Variants in RYR2 observed in about 807,000 individuals in gnomAD.
RYR2 encodes the protein cardiac muscle ryanodine receptor-calcium release channel.
RYR2 carries 227 observed loss-of-function variants against 601.1 expected under a neutral mutation model. That is an observed-to-expected ratio of 0.38 (90% CI 0.34 to 0.42). The LOEUF is 0.42. Ranked by LOEUF, RYR2 falls within the 10% of genes least tolerant of loss-of-function variation. The probability of loss-of-function intolerance (pLI) is 1.00; values close to 1 mark genes in which losing one functional copy is unlikely to be tolerated. For missense variants in RYR2, 4,646 were observed against 6,156.5 expected, an observed-to-expected ratio of 0.75 and a Z score of 8.21; for synonymous variants, 2,223 against 2,175.1, an observed-to-expected ratio of 1.02 and a Z score of -0.61.
intron 1 of RYR2, among the ~76,000 whole-genome samples, chr1:237,186,924 C>G (rs1350975666): frequency 6.6e-6 from 1 of 152,178 alleles, no homozygotes; most frequent in Non-Finnish European, 1.5e-5. Context: ...CTTGCTCTGC[C>G]GGCCTTGAGC....
chr1:237,262,455 C>G (rs1373180477), intron 1 of RYR2, among the ~76,000 whole-genome samples: 5 of 151,776 alleles, frequency 3.3e-5, no homozygotes, highest in Admixed American at 3.3e-4. Context: ...TGGGGTTTCA[C>G]CATGTTGGCC....
intron 68 of RYR2, 53 bp downstream of exon 68, chr1:237,707,322 G>T (rs1688466611): frequency 3.1e-6 from 3 of 963,762 alleles, no homozygotes; most frequent in South Asian, 3.4e-5. Flanking sequence ...ATTTCCAAAA[G>T]AATTTTAAAT....
At position 237,593,561 on chromosome 1, in the gene RYR2, A is replaced by G. The variant is rs752212017; in HGVS notation, c.4361A>G (p.Asp1454Gly). Reference sequence around the variant, plus strand: ...ATTACATCAGATTTCCATCAGTATGACACAGGCTTTGACTTGGACAGAGTT... The same window carrying G: ...ATTACATCAGATTTCCATCAGTATGGCACAGGCTTTGACTTGGACAGAGTT... ...GWITSDFHQYDTGFDLDRVRT... is the reference protein window; with the variant it reads ...GWITSDFHQYGTGFDLDRVRT... Residue 1454 changes from aspartate (D) to glycine (G), a missense_variant, in exon 33 of 105, where the codon GAC becomes GGC. By Grantham distance (94) the Asp-to-Gly change is moderately conservative. This residue lies in a region of RYR2 where 1,807 missense variants were observed against 2,088.1 expected (regional missense o/e 0.87). Transcript: ENST00000366574. 1.2e-6 allele frequency: 2 copies of G among 1,613,992 alleles called. No individual in the cohort carries two copies. Among genetic ancestry groups the G allele is most frequent in the Middle Eastern group, 1.6e-4 (1 of 6,062 alleles).
In RYR2 at chr1:237,819,293, G is replaced by C; in HGVS notation, c.14590+101G>C. On this transcript the variant is annotated intron_variant, in intron 101 of 104. Coordinates refer to ENST00000366574, the MANE Select transcript of RYR2 (RefSeq NM_001035.3). The surrounding 1 kb of genome is among the most constrained non-coding windows in gnomAD (Gnocchi z 4.0). ...AGGGTAATGACGTCAAGTGTTTCCTGGCAAAGCCAAATCAAACTTTTCCTT... is the reference window on the plus strand; with the variant it reads ...AGGGTAATGACGTCAAGTGTTTCCTCGCAAAGCCAAATCAAACTTTTCCTT... 8.8e-7 allele frequency: 1 copy of C among 1,139,372 alleles called. No homozygotes were observed. The highest frequency in any genetic ancestry group is 1.3e-6 in the Non-Finnish European group (1 of 790,238). The allele number at this position is 1,139,372 out of a possible 1,614,324, so 70.6% of individuals were successfully genotyped here. A position where few individuals can be genotyped will look rare whatever the true frequency, so the allele number is the denominator to read the frequency against.
chr1:237,706,832 G>A lies in RYR2; in HGVS notation c.9581-117G>A, dbSNP rs533816811. 4.0e-5 allele frequency: 32 copies of A among 790,532 alleles called. No homozygotes were observed. In the African/African-American group the frequency reaches 4.3e-4, roughly 11 times the overall value. 49.0% of individuals were successfully genotyped at this position (790,532 alleles called of 1,614,324 possible). A position where few individuals can be genotyped will look rare whatever the true frequency, so the allele number is the denominator to read the frequency against. Reference sequence around the variant, plus strand: ...ACACAGGAGAAGGAGCCAGTTGCAGGCATGCCACGTCTTGCTAAATTTTGA... The same window carrying A: ...ACACAGGAGAAGGAGCCAGTTGCAGACATGCCACGTCTTGCTAAATTTTGA... On this transcript the variant is annotated intron_variant, in intron 67 of 104. Transcript: ENST00000366574.
At chr1:237,081,943 G>C (rs900103881) in intron 1 of RYR2, among the ~76,000 whole-genome samples, 2 of 152,136 alleles carry the variant, frequency 1.3e-5, no homozygotes, top group Non-Finnish European at 2.9e-5. Flanking sequence ...CCTGTGCAAA[G>C]GGAAAGGCTA....
At chr1:237,619,100 A>C (rs1425082912) in intron 38 of RYR2, among the ~76,000 whole-genome samples, 2 of 152,182 alleles carry the variant, frequency 1.3e-5, no homozygotes, top group Non-Finnish European at 2.9e-5. Context: ...AGAGTTAAAA[A>C]TAAGACCCAG....
At position 237,416,759 on chromosome 1, in the gene RYR2, C is replaced by CAGAG. The variant is rs5781955; in HGVS notation, c.774-289_774-288insGAGA. Among the ~76,000 whole-genome samples, 1,996 of 138,954 alleles carry CAGAG rather than the reference C, an allele frequency of 0.014. 22 individuals are homozygous for CAGAG. Among genetic ancestry groups the CAGAG allele is most frequent in the Middle Eastern group, 0.038 (11 of 290 alleles). The allele number at this position is 138,954 out of a possible 152,430, so 91.2% of individuals were successfully genotyped here. A position where few individuals can be genotyped will look rare whatever the true frequency, so the allele number is the denominator to read the frequency against. ...GGAGGGATGGGAAGAAACACACACA[C>CAGAG]ACACAGAGAGAGAGAGAGAGAGAGA... On this transcript the variant is annotated intron_variant, in intron 10 of 104. Transcript: ENST00000366574.
rs531796059 is a variant in RYR2 at position 237,529,574 on chromosome 1, T to C, written c.2823-853T>C. On this transcript the variant is annotated intron_variant, in intron 24 of 104. Coordinates refer to ENST00000366574, the MANE Select transcript of RYR2 (RefSeq NM_001035.3). Reference sequence around the variant, plus strand: ...AGAGATAAGTATTATGGGTTTTAGATAATTCCCACATTCTTACTAGAACTG... The same window carrying C: ...AGAGATAAGTATTATGGGTTTTAGACAATTCCCACATTCTTACTAGAACTG... Among the ~76,000 whole-genome samples the C allele has an allele frequency of 3.3e-5, 5 of 152,262 alleles. No homozygotes were observed. In the South Asian group the frequency reaches 1.0e-3, roughly 32 times the overall value.
At position 237,614,039 on chromosome 1, in the gene RYR2, A is replaced by G. The variant is rs1251055364; in HGVS notation, c.4911A>G (p.Arg1637=). The G allele has an allele frequency of 7.5e-6, 12 of 1,610,462 alleles. No homozygotes were observed. Among genetic ancestry groups the G allele is most frequent in the Admixed American group, 1.7e-5 (1 of 59,948 alleles). ...FMSLHIPEEN[R]SVDILELTEQ... Reference sequence around the variant, plus strand: ...ACTACCACTCTCCTCCCTTCTACAGATCTGTTGACATCTTAGAGTTGACAG... The same window carrying G: ...ACTACCACTCTCCTCCCTTCTACAGGTCTGTTGACATCTTAGAGTTGACAG... The change falls in exon 37 of 105, where the codon AGA becomes AGG. Residue 1637 remains arginine, a splice_region_variant and synonymous_variant. Coordinates refer to ENST00000366574, the MANE Select transcript of RYR2 (RefSeq NM_001035.3). The surrounding 1 kb of genome is among the most constrained non-coding windows in gnomAD (Gnocchi z 4.3).
At chr1:237,708,282 T>C (rs1453087286) in intron 68 of RYR2, among the ~76,000 whole-genome samples, 1 of 152,210 alleles carries the variant, frequency 6.6e-6, no homozygotes, top group African/African-American at 2.4e-5. Context: ...TATGGTTGAC[T>C]TTAACTTTTC....
At chr1:237,127,833 T>C (rs10925322) in intron 1 of RYR2, among the ~76,000 whole-genome samples, 9,654 of 142,414 alleles carry the variant, frequency 0.068, 796 homozygotes, top group African/African-American at 0.21. Context: ...GGATGGCGGC[T>C]GGGCAGAGGT....
Position 237,270,625 on chromosome 1 carries a change from A to G in RYR2, c.168+9A>G. 1 of 1,567,112 alleles carries G rather than the reference A, an allele frequency of 6.4e-7. No homozygotes were observed. ...CCACTTCCAATTCCAAGGTGGGATG[A>G]AGTCTTTCAAGGCTATTCAAATATG... On this transcript the variant is annotated intron_variant, in intron 2 of 104. Transcript: ENST00000366574.
chr1:237,714,560 A>G (rs151036876), intron 71 of RYR2, among the ~76,000 whole-genome samples: 5 of 152,254 alleles, frequency 3.3e-5, no homozygotes, highest in African/African-American at 1.2e-4. Context: ...CTTTCTTGCC[A>G]TTTTCCTGGT....
At position 237,253,234 on chromosome 1, in the gene RYR2, T is replaced by A. The variant is rs564732672; in HGVS notation, c.49-17263T>A. On this transcript the variant is annotated intron_variant, in intron 1 of 104. Transcript: ENST00000366574. ...TACAGTGGATATTACAAATTATTAT[T>A]ATATTATTATTTCTGTCTAATAGAT... Among the ~76,000 whole-genome samples the A allele has an allele frequency of 4.6e-4, 13 of 28,202 alleles. No individual in the cohort carries two copies. The East Asian group carries it at 0.019, about 42-fold the overall frequency. The allele number at this position is 28,202 out of a possible 152,430, so 18.5% of individuals were successfully genotyped here. A position where few individuals can be genotyped will look rare whatever the true frequency, so the allele number is the denominator to read the frequency against.
At chr1:237,517,200 A>T (rs1213600162) in intron 24 of RYR2, among the ~76,000 whole-genome samples, 1 of 152,134 alleles carries the variant, frequency 6.6e-6, no homozygotes, top group East Asian at 1.9e-4. Flanking sequence ...CTTTGCCTGG[A>T]AAATTCTTCA....
chr1:237,499,406 T>G (rs1028397404), intron 20 of RYR2, among the ~76,000 whole-genome samples: 12 of 152,142 alleles, frequency 7.9e-5, no homozygotes, highest in African/African-American at 2.9e-4. Context: ...ACAGGAAAGA[T>G]GGGTACAGGT....
intron 16 of RYR2, among the ~76,000 whole-genome samples, chr1:237,460,142 T>A (rs1298519663): frequency 1.3e-5 from 2 of 152,218 alleles, no homozygotes; most frequent in East Asian, 3.8e-4. Context: ...CTTGATGGTC[T>A]CAGCTGTCTG....
chr1:237,827,765 T>C (rs1663292410), intron 101 of RYR2, among the ~76,000 whole-genome samples: 1 of 151,566 alleles, frequency 6.6e-6, no homozygotes, highest in African/African-American at 2.4e-5. Flanking sequence ...GGTGAAACCC[T>C]GTCTCTCCTA....
Sources: allele counts gnomAD v4.1 joint callset (sites outside exome capture counted in the v4.1 genomes callset), GRCh38; gene constraint gnomAD v4.1.1; regional missense constraint gnomAD v4.1.1; non-coding constraint Gnocchi (gnomAD v3.1); transcripts MANE v1.5; gene names NCBI Gene and HGNC (gene_info 2026-07-23, HGNC 2026-07-21).